The following UGT8 variants were observed in gnomAD, a reference collection of about 807,000 sequenced individuals.
The protein encoded by UGT8 is 2-hydroxyacylsphingosine 1-beta-galactosyltransferase.
UGT8 carries 12 observed loss-of-function variants against 40.5 expected under a neutral mutation model. The observed-to-expected ratio is 0.30, with a 90% CI of 0.19 to 0.48. UGT8 has a LOEUF of 0.48. UGT8 is among the 20% of genes least tolerant of loss of function. The probability of loss-of-function intolerance (pLI) is 0.99; values close to 1 mark genes in which losing one functional copy is unlikely to be tolerated. For missense variants in UGT8, 513 were observed against 648.7 expected (o/e 0.79, Z 2.27); for synonymous variants, 224 against 240.4 (o/e 0.93, Z 0.63).
intron 2 of UGT8, among the ~76,000 whole-genome samples, chr4:114,643,900 A>G (rs1189763256): frequency 6.6e-6 from 1 of 152,048 alleles, no homozygotes; most frequent in African/African-American, 2.4e-5. Context: ...CCTCCTTAGA[A>G]ATGTCATCTA....
intron 2 of UGT8, among the ~76,000 whole-genome samples, chr4:114,645,021 C>T (rs1733475931): frequency 8.4e-6 from 1 of 118,566 alleles, no homozygotes; most frequent in Admixed American, 1.0e-4. Flanking sequence ...TTAATTATAA[C>T]ACTCTACACA....
intron 5 of UGT8, among the ~76,000 whole-genome samples, chr4:114,669,044 C>G (rs1427701803): frequency 6.6e-6 from 1 of 152,104 alleles, no homozygotes; most frequent in East Asian, 1.9e-4. Flanking sequence ...TAAGCTTTTT[C>G]TTTTTATGCC....
chr4:114,667,334 G>C (rs2126134931), intron 4 of UGT8, among the ~76,000 whole-genome samples: 1 of 152,166 alleles, frequency 6.6e-6, no homozygotes, highest in African/African-American at 2.4e-5. Flanking sequence ...GTTTTGTTTT[G>C]TTTTTACAAC....
Position 114,675,981 on chromosome 4 carries a change from C to T in UGT8, c.1319C>T (p.Pro440Leu), listed in dbSNP as rs1378949276. 6.2e-7 allele frequency: 1 copy of T among 1,614,152 alleles called. No individual in the cohort carries two copies. The highest frequency in any genetic ancestry group is 1.1e-5 in the South Asian group (1 of 91,074). The change falls in exon 6 of 6, where the codon CCT (proline) becomes CTT (leucine). Residue 440 changes from proline (P) to leucine (L), a missense_variant. This residue lies in a region of UGT8 where 175 missense variants were observed against 186.7 expected (regional missense o/e 0.94). Transcript: ENST00000310836. ...ATTCACAAGGATCAACCTGGTCACC[C>T]TGTCAATCGAACTATCTATTGGATA... ...SEIHKDQPGH[P>L]VNRTIYWIDY...
chr4:114,659,621 A>G (rs1734396497), intron 2 of UGT8, among the ~76,000 whole-genome samples: 1 of 152,162 alleles, frequency 6.6e-6, no homozygotes, highest in African/African-American at 2.4e-5. Context: ...GTGCTGGTCT[A>G]CGTACAAGAC....
At chr4:114,669,299 T>G (rs1412369732) in intron 5 of UGT8, among the ~76,000 whole-genome samples, 1 of 152,106 alleles carries the variant, frequency 6.6e-6, no homozygotes, top group Admixed American at 6.5e-5. Context: ...ATAACTAGGG[T>G]TGCCTAAGTA....
intron 1 of UGT8, among the ~76,000 whole-genome samples, chr4:114,618,914 G>GCTTATATTTATTCAGGGAAT (rs1466287742): frequency 1.3e-5 from 2 of 151,906 alleles, no homozygotes; most frequent in Non-Finnish European, 2.9e-5. Flanking sequence ...CATCTATTAG[G>GCTTATATTTATTCAGGGAAT]CTTATATTTA....
intron 1 of UGT8, among the ~76,000 whole-genome samples, chr4:114,600,758 C>A (rs1730396005): frequency 6.6e-6 from 1 of 151,920 alleles, no homozygotes; most frequent in South Asian, 2.1e-4. Flanking sequence ...CTTTGTGTTA[C>A]TTGAATTAAA....
intron 1 of UGT8, among the ~76,000 whole-genome samples, chr4:114,616,597 A>G (rs916554287): frequency 1.3e-5 from 2 of 151,834 alleles, no homozygotes; most frequent in African/African-American, 4.8e-5. Flanking sequence ...GGTGTGTTGC[A>G]CCCACTGTCC....
chr4:114,658,715 A>T, intron 2 of UGT8, among the ~76,000 whole-genome samples: 1 of 151,654 alleles, frequency 6.6e-6, no homozygotes, highest in East Asian at 1.9e-4. Flanking sequence ...ATAAAAAAAA[A>T]TTGTTTATTT....
At position 114,662,959 on chromosome 4, in the gene UGT8, G is replaced by A. The variant is rs901620235; in HGVS notation, c.823-1036G>A. ...AGCCTCTCGAGTAGCTGGGACTACAGGTGCCCGCCACCATGCCCAGCTAAT... is the reference window on the plus strand; with the variant it reads ...AGCCTCTCGAGTAGCTGGGACTACAAGTGCCCGCCACCATGCCCAGCTAAT... On this transcript the variant is annotated intron_variant, in intron 2 of 5. Transcript: ENST00000310836. Among the ~76,000 whole-genome samples the A allele has an allele frequency of 5.3e-5, 8 of 151,344 alleles. No homozygotes were observed. In the East Asian group the frequency reaches 1.4e-3, roughly 26 times the overall value.
At position 114,668,210 on chromosome 4, in the gene UGT8, G is replaced by A. The variant is rs762019680; in HGVS notation, c.1168G>A (p.Val390Ile). 9 of 1,613,896 alleles carry A rather than the reference G, an allele frequency of 5.6e-6. No homozygotes were observed. Among genetic ancestry groups the A allele is most frequent in the Admixed American group, 3.3e-5 (2 of 60,018 alleles). Reference sequence around the variant, plus strand: ...AGACCATTATGATACTATGACCAGAGTACAGGCAAAAGGCATGGGGATATT... The same window carrying A: ...AGACCATTATGATACTATGACCAGAATACAGGCAAAAGGCATGGGGATATT... ...FGDHYDTMTR[V>I]QAKGMGILLE... Residue 390 changes from valine to isoleucine, a missense_variant, in exon 5 of 6, where the codon GTA becomes ATA. By Grantham distance (29) the Val-to-Ile change is conservative (BLOSUM62 3). This residue lies in a region of UGT8 where 175 missense variants were observed against 186.7 expected (regional missense o/e 0.94). Transcript: ENST00000310836.
At chr4:114,661,087 G>T (rs1220326352) in intron 2 of UGT8, among the ~76,000 whole-genome samples, 1 of 151,712 alleles carries the variant, frequency 6.6e-6, no homozygotes, top group Admixed American at 6.6e-5. Context: ...TTTTCTTCAT[G>T]TATATTTGGT....
At chr4:114,674,135 T>G (rs1735471109) in intron 5 of UGT8, among the ~76,000 whole-genome samples, 1 of 152,188 alleles carries the variant, frequency 6.6e-6, no homozygotes, top group African/African-American at 2.4e-5. Flanking sequence ...TCAAATCAAC[T>G]CATAAATATC....
intron 2 of UGT8, among the ~76,000 whole-genome samples, chr4:114,624,795 T>G (rs955965233): frequency 1.3e-5 from 2 of 152,136 alleles, no homozygotes; most frequent in African/African-American, 4.8e-5. Context: ...TCGATATATT[T>G]CATATAACAT....
chr4:114,606,274 T>G (rs775379810), intron 1 of UGT8, among the ~76,000 whole-genome samples: 4 of 152,160 alleles, frequency 2.6e-5, no homozygotes, highest in Non-Finnish European at 5.9e-5. Flanking sequence ...AAATAAAAAT[T>G]TTTTACTAGC....
At chr4:114,664,237 A>G in intron 3 of UGT8, 100 bp downstream of exon 3, 2 of 1,257,520 alleles carry the variant, frequency 1.6e-6, no homozygotes, top group East Asian at 2.4e-5. Flanking sequence ...TTTCCCTGAC[A>G]AGATTAGCAA....
At chr4:114,646,196 G>A (rs1352716742) in intron 2 of UGT8, among the ~76,000 whole-genome samples, 1 of 151,970 alleles carries the variant, frequency 6.6e-6, no homozygotes, top group Non-Finnish European at 1.5e-5. Context: ...GTGCCTTTCA[G>A]GGAAAAAATT....
chr4:114,613,832 A>G (rs1009274329), intron 1 of UGT8, among the ~76,000 whole-genome samples: 2 of 152,160 alleles, frequency 1.3e-5, no homozygotes, highest in African/African-American at 4.8e-5. Context: ...TATTTTTAGT[A>G]AGTACTTGAG....
Sources: gnomAD v4.1 joint callset for allele counts (sites outside exome capture counted in the v4.1 genomes callset) on GRCh38, gnomAD v4.1.1 for gene constraint, gnomAD v4.1.1 regional missense constraint, MANE v1.5 for transcripts, NCBI Gene and HGNC (gene_info 2026-07-23, HGNC 2026-07-21) for gene names.